The following CTH variants were observed in gnomAD, a reference collection of about 807,000 sequenced individuals.
CTH encodes the protein cystathionine gamma-lyase, also known as cystathionase (cystathionine gamma-lyase).
Under a neutral mutation model 50.6 loss-of-function variants are expected in CTH, and 41 were observed. The ratio of observed to expected loss-of-function variants is 0.81; its 90% CI spans 0.63 to 1.05. CTH has a LOEUF of 1.05. CTH is among the 50% of genes least tolerant of loss of function. CTH has a pLI of 0.00. For synonymous variants in CTH, 156 were observed against 168.9 expected, an observed-to-expected ratio of 0.92 and a Z score of 0.59; for missense variants, 470 against 492.6, an observed-to-expected ratio of 0.95 and a Z score of 0.43.
chr1:70,412,968 C>T (rs566123531), intron 1 of CTH, among the ~76,000 whole-genome samples: 2 of 152,168 alleles, frequency 1.3e-5, no homozygotes, highest in Admixed American at 6.5e-5. Context: ...TACGAAGGAG[C>T]CCTCTTTGTT....
chr1:70,429,084 C>T (rs1684409261), intron 5 of CTH, among the ~76,000 whole-genome samples: 1 of 152,150 alleles, frequency 6.6e-6, no homozygotes, highest in South Asian at 2.1e-4. Context: ...TTCTCCAACT[C>T]CCAGCCGTCT....
chr1:70,424,131 G>T (rs1483627370), intron 4 of CTH, among the ~76,000 whole-genome samples, 154 bp from the exon 5 acceptor site: 1 of 152,174 alleles, frequency 6.6e-6, no homozygotes, highest in African/African-American at 2.4e-5. Context: ...TCAGAAATTT[G>T]CAGGTAAGGC....
intron 6 of CTH, 133 bp downstream of exon 6, chr1:70,429,984 C>A (rs964073051): frequency 2.9e-6 from 2 of 687,136 alleles, no homozygotes; most frequent in African/African-American, 1.8e-5. Context: ...AAAAAAAAAT[C>A]CTTTGATTAA....
chr1:70,411,553 G>A lies in CTH; in HGVS notation c.138G>A (p.Thr46=), dbSNP rs148111836. The change falls in exon 1 of 12, where the codon ACG becomes ACA. Residue 46 remains threonine (T), a synonymous_variant. Transcript: ENST00000370938. ...TGCCCCCCATCTCACTGTCCACCAC[G>A]TTCAAGCAAGGGGCGCCTGGCCAGC... ...AVVPPISLST[T]FKQGAPGQHS... The A allele has an allele frequency of 2.6e-5, 42 of 1,614,068 alleles. No individual in the cohort carries two copies. The African/African-American group carries it at 4.8e-4, about 18-fold the overall frequency.
At chr1:70,415,067 A>T (rs141537367) in intron 1 of CTH, among the ~76,000 whole-genome samples, 2 of 152,302 alleles carry the variant, frequency 1.3e-5, no homozygotes, top group African/African-American at 4.8e-5. Flanking sequence ...AATGTTGAGC[A>T]TTGGTAGGAT....
intron 3 of CTH, among the ~76,000 whole-genome samples, chr1:70,419,341 TA>T (rs1684163481): frequency 6.6e-6 from 1 of 152,196 alleles, no homozygotes; most frequent in South Asian, 2.1e-4. Flanking sequence ...ATATACCCAG[TA>T]ATGGGATGGC....
intron 8 of CTH, 89 bp downstream of exon 8, chr1:70,432,324 G>A (rs1421667046): frequency 1.3e-6 from 2 of 1,493,970 alleles, no homozygotes; most frequent in African/African-American, 1.4e-5. Context: ...TTGTAAGTTA[G>A]GTGCTTTCAC....
At chr1:70,422,538 G>A (rs763934851) in intron 4 of CTH, among the ~76,000 whole-genome samples, 1 of 151,484 alleles carries the variant, frequency 6.6e-6, no homozygotes, top group Non-Finnish European at 1.5e-5. Flanking sequence ...GGTAATTAAG[G>A]TTTGTTTCCA....
intron 1 of CTH, among the ~76,000 whole-genome samples, chr1:70,414,358 A>C (rs1684042134): frequency 6.6e-6 from 1 of 152,004 alleles, no homozygotes; most frequent in Non-Finnish European, 1.5e-5. Flanking sequence ...CTAAAAAAGT[A>C]CAAAAATTAG....
chr1:70,418,432 T>C (rs1048470244), intron 3 of CTH, among the ~76,000 whole-genome samples: 15 of 152,150 alleles, frequency 9.9e-5, no homozygotes, highest in Admixed American at 5.9e-4. Flanking sequence ...GTATTTTTTG[T>C]AGAGACGGGG....
intron 8 of CTH, 61 bp from the exon 9 acceptor site, chr1:70,433,766 TC>T (rs974617392): frequency 8.5e-5 from 135 of 1,592,066 alleles, no homozygotes; most frequent in South Asian, 2.1e-4. Flanking sequence ...AATACCACCC[TC>T]CCCCCCCAAA....
intron 5 of CTH, among the ~76,000 whole-genome samples, chr1:70,428,216 C>G (rs1572264776): frequency 6.6e-6 from 1 of 152,052 alleles, no homozygotes; most frequent in South Asian, 2.1e-4. Flanking sequence ...ACAGCGGTTA[C>G]TAGAGTCTGG....
At chr1:70,411,718 T>G in intron 1 of CTH, 135 bp downstream of exon 1, 6 of 1,436,158 alleles carry the variant, frequency 4.2e-6, no homozygotes, top group Non-Finnish European at 5.5e-6. Flanking sequence ...TTCTACACTG[T>G]AATTCTTGCA....
chr1:70,423,834 A>T (rs1487887120), intron 4 of CTH, among the ~76,000 whole-genome samples: 3 of 152,146 alleles, frequency 2.0e-5, no homozygotes. Flanking sequence ...TTCTGGCATT[A>T]AGTTCATATT....
At chr1:70,434,676 A>G (rs1378425488) in intron 9 of CTH, among the ~76,000 whole-genome samples, 1 of 151,484 alleles carries the variant, frequency 6.6e-6, no homozygotes, top group African/African-American at 2.4e-5. Flanking sequence ...GGAAGTATGT[A>G]TAACTTGGGA....
chr1:70,423,326 C>T (rs1684268812), intron 4 of CTH, among the ~76,000 whole-genome samples: 1 of 151,282 alleles, frequency 6.6e-6, no homozygotes, highest in South Asian at 2.1e-4. Context: ...AATACCAGCA[C>T]TTTGGGAGGC....
intron 5 of CTH, among the ~76,000 whole-genome samples, chr1:70,428,758 G>A (rs890340147): frequency 4.6e-5 from 7 of 151,764 alleles, no homozygotes; most frequent in East Asian, 3.9e-4. Flanking sequence ...TTACAGGTGC[G>A]TGCCACCATG....
intron 4 of CTH, among the ~76,000 whole-genome samples, chr1:70,423,663 C>T (rs1684280004): frequency 6.6e-6 from 1 of 151,898 alleles, no homozygotes; most frequent in Non-Finnish European, 1.5e-5. Context: ...TATCAAGCAT[C>T]TACCATGTGT....
chr1:70,427,717 T>A (rs2101746929), intron 5 of CTH, among the ~76,000 whole-genome samples: 1 of 152,264 alleles, frequency 6.6e-6, no homozygotes, highest in East Asian at 1.9e-4. Flanking sequence ...TGTTTTTGTT[T>A]GTTTGTTTGT....
Sources: allele counts gnomAD v4.1 joint callset (sites outside exome capture counted in the v4.1 genomes callset), GRCh38; gene constraint gnomAD v4.1.1; transcripts MANE v1.5; gene names NCBI Gene and HGNC (gene_info 2026-07-23, HGNC 2026-07-21).